DYSF: variants seen among roughly 807,000 people sequenced by gnomAD.
The protein encoded by DYSF is dystrophy-associated fer-1-like 1.
Under a neutral mutation model 274.9 loss-of-function variants are expected in DYSF, and 212 were observed. The ratio of observed to expected loss-of-function variants is 0.77; its 90% CI spans 0.69 to 0.86. The LOEUF is 0.86. Ranked by LOEUF, DYSF falls within the 40% of genes least tolerant of loss-of-function variation. The pLI is 0.00. For missense variants in DYSF, 2,666 were observed against 2,783.2 expected, an observed-to-expected ratio of 0.96 and a Z score of 0.95; for synonymous variants, 1,091 against 1,078.7, an observed-to-expected ratio of 1.01 and a Z score of -0.22.
At chr2:71,523,792 G>T (rs1034327117) in intron 12 of DYSF, among the ~76,000 whole-genome samples, 3 of 151,964 alleles carry the variant, frequency 2.0e-5, no homozygotes, top group Admixed American at 6.5e-5. Context: ...TGATCCACTC[G>T]CCTCGGCCTC....
At chr2:71,478,770 G>C (rs1240560505) in intron 1 of DYSF, among the ~76,000 whole-genome samples, 1 of 152,044 alleles carries the variant, frequency 6.6e-6, no homozygotes, top group Non-Finnish European at 1.5e-5. Context: ...GAATCTCCCT[G>C]AGCCCCTCCC....
At chr2:71,493,811 C>G (rs1470139765) in intron 3 of DYSF, among the ~76,000 whole-genome samples, 2 of 117,358 alleles carry the variant, frequency 1.7e-5, no homozygotes, top group African/African-American at 6.5e-5. Context: ...GAGATCGTGC[C>G]ACTGCACTAC....
At chr2:71,686,288 G>C (rs1017249411) in intron 55 of DYSF, among the ~76,000 whole-genome samples, 166 bp from the exon 56 acceptor site, 2 of 152,180 alleles carry the variant, frequency 1.3e-5, no homozygotes, top group African/African-American at 2.4e-5. Context: ...CAAGTGGTGA[G>C]GGCGAGGCGT....
At chr2:71,515,917 G>T (rs1169378360) in intron 8 of DYSF, among the ~76,000 whole-genome samples, 166 bp downstream of exon 8, 1 of 152,062 alleles carries the variant, frequency 6.6e-6, no homozygotes, top group East Asian at 1.9e-4. Flanking sequence ...TGGAGAAAGG[G>T]CTCCTGCTCT....
intron 45 of DYSF, 110 bp downstream of exon 45, chr2:71,660,761 A>G: frequency 1.1e-6 from 1 of 930,798 alleles, no homozygotes; most frequent in South Asian, 1.4e-5. Context: ...TTGGAGCAAA[A>G]CTGTATTCCT....
At position 71,454,155 on chromosome 2, in the gene DYSF, C is replaced by G. The variant is rs560184152; in HGVS notation, c.88+69C>G. 2.8e-6 allele frequency: 4 copies of G among 1,429,752 alleles called. No homozygotes were observed. In the Admixed American group the frequency reaches 7.6e-5, roughly 27 times the overall value. The allele number at this position is 1,429,752 out of a possible 1,614,324, so 88.6% of individuals were successfully genotyped here. On this transcript the variant is annotated intron_variant, in intron 1 of 54. Transcript: ENST00000258104. The stretch of plus-strand genomic sequence containing the variant: ...GAGGAGGGGACGCCGCGGCTCTCAA[C>G]CCTGGAGAGCACCTAGAGCTGAGAG...
chr2:71,453,563 C>T (rs2080928587), exon 1 of DYSF, among the ~76,000 whole-genome samples: 1 of 152,220 alleles, frequency 6.6e-6, no homozygotes, highest in Non-Finnish European at 1.5e-5. Context: ...TTTCTCCTGT[C>T]CAAGAGCGAG....
chr2:71,549,552 C>T (rs1342708832), intron 17 of DYSF, among the ~76,000 whole-genome samples: 1 of 151,958 alleles, frequency 6.6e-6, no homozygotes, highest in Non-Finnish European at 1.5e-5. Context: ...TGTCACCTCT[C>T]GGCCTCTGTG....
intron 41 of DYSF, among the ~76,000 whole-genome samples, chr2:71,637,234 A>G (rs745738439): frequency 6.6e-6 from 1 of 152,136 alleles, no homozygotes; most frequent in Non-Finnish European, 1.5e-5. Context: ...TGTTGGTGAC[A>G]CAGGAGAGGG....
chr2:71,653,226 A>T (rs965192411), intron 42 of DYSF, among the ~76,000 whole-genome samples: 1 of 152,120 alleles, frequency 6.6e-6, no homozygotes, highest in African/African-American at 2.4e-5. Flanking sequence ...TGTAAACTAG[A>T]TCAACCATTG....
intron 3 of DYSF, among the ~76,000 whole-genome samples, chr2:71,493,412 C>T (rs756561221): frequency 2.0e-5 from 3 of 152,128 alleles, no homozygotes; most frequent in Non-Finnish European, 4.4e-5. Flanking sequence ...AATATAGTAT[C>T]CCTTTTTTCT....
chr2:71,515,555 G>A, intron 7 of DYSF, 68 bp from the exon 8 acceptor site: 1 of 1,609,812 alleles, frequency 6.2e-7, no homozygotes, highest in South Asian at 1.1e-5. Flanking sequence ...TCTGACTCTT[G>A]GGGTGGATGG....
intron 17 of DYSF, among the ~76,000 whole-genome samples, chr2:71,541,063 G>C (rs1346779481): frequency 3.9e-5 from 6 of 151,988 alleles, no homozygotes; most frequent in African/African-American, 1.5e-4. Flanking sequence ...GTGTTCTTGG[G>C]CCTGTTCCTC....
chr2:71,552,914 G>A (rs555628280), intron 19 of DYSF, 97 bp from the exon 20 acceptor site: 39 of 1,323,294 alleles, frequency 2.9e-5, no homozygotes, highest in South Asian at 1.1e-4. Context: ...ATTGGGTGCC[G>A]GTTATGGCCG....
chr2:71,513,669 G>T, intron 6 of DYSF, 47 bp from the exon 7 acceptor site: 2 of 1,602,750 alleles, frequency 1.2e-6, no homozygotes, highest in Non-Finnish European at 8.5e-7. Flanking sequence ...CAGGGGCAGG[G>T]GCAGGGCCAG....
chr2:71,562,365 T>G (rs910104378), intron 23 of DYSF, among the ~76,000 whole-genome samples: 3 of 152,178 alleles, frequency 2.0e-5, no homozygotes, highest in Admixed American at 1.3e-4. Flanking sequence ...ACCCTCTGTT[T>G]CCTGTTGTCC....
At chr2:71,578,926 G>C (rs746710803) in intron 30 of DYSF, among the ~76,000 whole-genome samples, 1 of 152,220 alleles carries the variant, frequency 6.6e-6, no homozygotes, top group Non-Finnish European at 1.5e-5. Context: ...ATCGTCTGCT[G>C]TCTCCATCCC....
intron 17 of DYSF, among the ~76,000 whole-genome samples, chr2:71,544,459 C>CTTTTTT (rs10656285): frequency 7.7e-6 from 1 of 129,068 alleles, no homozygotes. Context: ...TAAAAATGTT[C>CTTTTTT]TTTTTTTTTT....
chr2:71,663,214 G>T (rs2094933740), intron 45 of DYSF, among the ~76,000 whole-genome samples: 1 of 152,178 alleles, frequency 6.6e-6, no homozygotes. Flanking sequence ...GTACTCTCTG[G>T]ACCACGGATG....
Sources: gnomAD v4.1 joint callset for allele counts (sites outside exome capture counted in the v4.1 genomes callset) on GRCh38, gnomAD v4.1.1 for gene constraint, MANE v1.5 for transcripts, NCBI Gene and HGNC (gene_info 2026-07-23, HGNC 2026-07-21) for gene names.